ADAMTS3: variants seen among roughly 807,000 people sequenced by gnomAD.
ADAMTS3 encodes A disintegrin and metalloproteinase with thrombospondin motifs 3.
In ADAMTS3, 73 loss-of-function variants were observed where a neutral mutation model predicts 129.0. The ratio of observed to expected loss-of-function variants is 0.57; its 90% confidence interval spans 0.47 to 0.69. The LOEUF (loss-of-function observed/expected upper bound fraction) is 0.69. Among genes scored for constraint, ADAMTS3 ranks in the 30% least tolerant of loss-of-function variants. ADAMTS3 has a pLI of 0.00. For synonymous variants in ADAMTS3, 477 were observed against 510.8 expected (o/e 0.93, Z 0.89); for missense variants, 1,457 against 1,514.5 (o/e 0.96, Z 0.63).
At chr4:72,544,432 A>G (rs1429734555) in intron 3 of ADAMTS3, among the ~76,000 whole-genome samples, 1 of 152,182 alleles carries the variant, frequency 6.6e-6, no homozygotes, top group African/African-American at 2.4e-5. Flanking sequence ...ACACTTGACC[A>G]ATCTCAGTAC....
At chr4:72,540,975 C>A in intron 3 of ADAMTS3, among the ~76,000 whole-genome samples, 1 of 152,196 alleles carries the variant, frequency 6.6e-6, no homozygotes, top group East Asian at 1.9e-4. Context: ...TACTGGAGTA[C>A]CACCTAGTGG....
intron 3 of ADAMTS3, among the ~76,000 whole-genome samples, chr4:72,486,485 C>A (rs1719594777): frequency 1.3e-5 from 2 of 152,140 alleles, no homozygotes; most frequent in African/African-American, 4.8e-5. Flanking sequence ...AACTGAGAAC[C>A]TAGCCCTCCA....
At chr4:72,399,826 C>CACACGGTGTGTACGCATAT (rs1560501299) in intron 4 of ADAMTS3, among the ~76,000 whole-genome samples, 1 of 3,492 alleles carries the variant, frequency 2.9e-4, no homozygotes, top group East Asian at 0.011. Context: ...TGTGTATATA[C>CACACGGTGTGTACGCATAT]GTGTGTATAT....
intron 3 of ADAMTS3, among the ~76,000 whole-genome samples, chr4:72,484,283 G>A (rs1048222848): frequency 2.6e-4 from 40 of 152,156 alleles, no homozygotes; most frequent in Non-Finnish European, 4.0e-4. Flanking sequence ...AATTCTTCCA[G>A]TAATGTCCTG....
chr4:72,395,964 A>G (rs1313355288), intron 4 of ADAMTS3, among the ~76,000 whole-genome samples: 2 of 152,242 alleles, frequency 1.3e-5, no homozygotes, highest in African/African-American at 2.4e-5. Flanking sequence ...ATTTGAAACA[A>G]AAAGTATTAG....
intron 4 of ADAMTS3, among the ~76,000 whole-genome samples, chr4:72,349,921 A>T (rs926546940): frequency 6.6e-6 from 1 of 152,040 alleles, no homozygotes; most frequent in African/African-American, 2.4e-5. Flanking sequence ...AACAGTTTTG[A>T]TTCACGTTCT....
At chr4:72,438,106 GA>G (rs915350191) in intron 3 of ADAMTS3, among the ~76,000 whole-genome samples, 11 of 151,708 alleles carry the variant, frequency 7.3e-5, no homozygotes, top group African/African-American at 2.2e-4. Flanking sequence ...TGTGTGTGCA[GA>G]AATTAGGGCA....
intron 3 of ADAMTS3, among the ~76,000 whole-genome samples, chr4:72,547,550 G>A (rs752284829): frequency 6.6e-6 from 1 of 152,132 alleles, no homozygotes; most frequent in Non-Finnish European, 1.5e-5. Context: ...GATGATTTCA[G>A]TCACATTTCT....
chr4:72,418,028 T>G (rs1469906724), intron 3 of ADAMTS3, among the ~76,000 whole-genome samples: 1 of 152,072 alleles, frequency 6.6e-6, no homozygotes, highest in East Asian at 1.9e-4. Flanking sequence ...CTCATTTGAT[T>G]AAATCCAGTT....
intron 4 of ADAMTS3, among the ~76,000 whole-genome samples, chr4:72,373,614 A>T (rs945534636): frequency 6.6e-6 from 1 of 152,074 alleles, no homozygotes; most frequent in African/African-American, 2.4e-5. Context: ...AATAGTGGTG[A>T]GGGGCTGGGC....
intron 3 of ADAMTS3, among the ~76,000 whole-genome samples, chr4:72,461,858 C>T (rs935018577): frequency 6.6e-6 from 1 of 151,878 alleles, no homozygotes; most frequent in African/African-American, 2.4e-5. Flanking sequence ...ATGGACTTTC[C>T]TGTGGTGCTT....
chr4:72,385,629 A>T (rs1026971820), intron 4 of ADAMTS3, among the ~76,000 whole-genome samples: 7 of 152,150 alleles, frequency 4.6e-5, no homozygotes, highest in African/African-American at 1.4e-4. Flanking sequence ...GGAAAAAGAG[A>T]TAGCATGTAT....
chr4:72,305,908 A>G (rs1719077030), intron 16 of ADAMTS3, 79 bp downstream of exon 16: 2 of 1,177,342 alleles, frequency 1.7e-6, no homozygotes. Context: ...ACATATATAC[A>G]TATCTATATT....
intron 3 of ADAMTS3, among the ~76,000 whole-genome samples, chr4:72,490,444 T>C (rs1719710490): frequency 1.3e-5 from 2 of 152,088 alleles, no homozygotes; most frequent in Middle Eastern, 3.4e-3. Context: ...TCATGAAGCT[T>C]TTTTCTTTTG....
At chr4:72,357,841 A>G (rs1280907796) in intron 4 of ADAMTS3, among the ~76,000 whole-genome samples, 1 of 152,006 alleles carries the variant, frequency 6.6e-6, no homozygotes, top group Non-Finnish European at 1.5e-5. Context: ...CCACAAAAAG[A>G]TTTAAATATA....
intron 19 of ADAMTS3, among the ~76,000 whole-genome samples, chr4:72,291,790 G>A (rs578128765): frequency 6.6e-6 from 1 of 152,168 alleles, no homozygotes; most frequent in South Asian, 2.1e-4. Context: ...TGGGTCAAAT[G>A]GTATTTCTAG....
intron 4 of ADAMTS3, among the ~76,000 whole-genome samples, chr4:72,352,465 C>T (rs1481967960): frequency 6.6e-6 from 1 of 151,964 alleles, no homozygotes; most frequent in South Asian, 2.1e-4. Flanking sequence ...GAAGGACATC[C>T]CCTCACCTTT....
Position 72,545,942 on chromosome 4 carries a change from C to T in ADAMTS3, c.504+2536G>A, listed in dbSNP as rs148953134. On this transcript the variant is annotated intron_variant, in intron 3 of 21. Transcript: ENST00000286657. ...AAGCTGTATCACAGCTCACAATCAC[C>T]AGTCAAATGTTCTCAATCATAGGCA... Among the ~76,000 whole-genome samples, 16 of 152,280 alleles carry T rather than the reference C, an allele frequency of 1.1e-4. 1 individual carries two copies. The East Asian group carries it at 2.5e-3, about 24-fold the overall frequency.
chr4:72,281,211 GA>G lies in ADAMTS3; in HGVS notation c.*1924del, dbSNP rs150499347. 3,316 of 147,762 alleles carry G rather than the reference GA, an allele frequency of 0.022. 119 individuals are homozygous for G. Among genetic ancestry groups the G allele is most frequent in the African/African-American group, 0.077 (3,127 of 40,422 alleles). The allele number at this position is 147,762 out of a possible 1,614,324, so 9.2% of individuals were successfully genotyped here. A position where few individuals can be genotyped will look rare whatever the true frequency, so the allele number is the denominator to read the frequency against. On this transcript the variant is annotated 3_prime_UTR_variant, in exon 22 of 22. Coordinates refer to ENST00000286657, the MANE Select transcript of ADAMTS3 (RefSeq NM_014243.3). ...AATTTTATTCTATGGGAATTTTTAGGAAAAAAAAAAGACTTAAGGCTTAGGG... is the reference window on the plus strand; with the variant it reads ...AATTTTATTCTATGGGAATTTTTAGGAAAAAAAAAGACTTAAGGCTTAGGG...
Sources: gnomAD v4.1 joint callset for allele counts (sites outside exome capture counted in the v4.1 genomes callset) on GRCh38, gnomAD v4.1.1 for gene constraint, MANE v1.5 for transcripts, NCBI Gene and HGNC (gene_info 2026-07-23, HGNC 2026-07-21) for gene names.